ZBTB25: variants seen among roughly 807,000 people sequenced by gnomAD.
The protein encoded by ZBTB25 is zinc finger and BTB domain containing 25, also known as zinc finger and BTB domain-containing protein 25.
Under a neutral mutation model 34.2 loss-of-function variants are expected in ZBTB25, and 20 were observed. That is an observed-to-expected ratio of 0.58 (90% CI 0.41 to 0.85). ZBTB25 has a LOEUF of 0.85. Among genes scored for constraint, ZBTB25 ranks in the 40% least tolerant of loss-of-function variants. The pLI is 0.00. For synonymous variants in ZBTB25, 175 were observed against 186.4 expected (o/e 0.94, Z 0.50); for missense variants, 437 against 521.8 (o/e 0.84, Z 1.58).
At chr14:64,468,286 C>G (rs2078632054) in intron 2 of ZBTB25, 2 of 1,038,764 alleles carry the variant, frequency 1.9e-6, no homozygotes, top group East Asian at 5.3e-5. Context: ...TATGAATATG[C>G]CTGGAAGAAA....
At chr14:64,458,434 C>T (rs1392060070) in intron 2 of ZBTB25, 1 of 747,488 alleles carries the variant, frequency 1.3e-6, no homozygotes, top group Non-Finnish European at 2.5e-6. Flanking sequence ...TTCAGACTTC[C>T]CTGAGGGGAG....
chr14:64,453,904 A>C, intron 2 of ZBTB25: 1 of 1,248,044 alleles, frequency 8.0e-7, no homozygotes. Context: ...TTTGCAAAGC[A>C]GGACTTGGAG....
At position 64,487,062 on chromosome 14, in the gene ZBTB25, T is replaced by C. The variant is rs2078886147; in HGVS notation, c.1169A>G (p.Gln390Arg). The change falls in exon 3 of 3, where the codon CAG becomes CGG. Residue 390 changes from glutamine (Q) to arginine (R), a missense_variant. By Grantham distance (43) the Gln-to-Arg change is conservative. Coordinates refer to ENST00000608382, the MANE Select transcript of ZBTB25 (RefSeq NM_006977.5). The stretch of plus-strand genomic sequence containing the variant: ...GCTGTCACAGTATGGCTGAAATCTC[T>C]GGGCCAATGCATTACCAAACCTTTG... ...RCQRFGNALA[Q>R]RFQPYCDSWS... The C allele has an allele frequency of 6.8e-6, 11 of 1,614,118 alleles. No homozygotes were observed. Among genetic ancestry groups the C allele is most frequent in the Non-Finnish European group, 8.5e-6 (10 of 1,180,054 alleles).
At chr14:64,476,482 G>A (rs2078720560), downstream of ZBTB25, among the ~76,000 whole-genome samples, 1 of 148,408 alleles carries the variant, frequency 6.7e-6, no homozygotes, top group Non-Finnish European at 1.5e-5. Flanking sequence ...CACTATGCCC[G>A]GCTAATTTTT....
In ZBTB25 at chr14:64,480,160, A is replaced by C. The variant is rs2078764971; in HGVS notation, c.*6763T>G. ...AACATGGTGAAACTCCGTCTCTACT[A>C]GAAATACAAAAAATTAGCCGAGTGT... On this transcript the variant is annotated 3_prime_UTR_variant, in exon 3 of 3. Coordinates refer to ENST00000608382, the MANE Select transcript of ZBTB25 (RefSeq NM_006977.5). The C allele has an allele frequency of 4.9e-6, 1 of 205,946 alleles. No individual in the cohort carries two copies. The highest frequency in any genetic ancestry group is 2.4e-5 in the African/African-American group (1 of 41,902). 12.8% of individuals were successfully genotyped at this position (205,946 alleles called of 1,614,324 possible).
chr14:64,500,611 A>C (rs1282205784), intron 1 of ZBTB25, among the ~76,000 whole-genome samples: 1 of 152,190 alleles, frequency 6.6e-6, no homozygotes, highest in African/African-American at 2.4e-5. Flanking sequence ...AGCCTGGCCA[A>C]TATGGTGAAA....
downstream of ZBTB25, among the ~76,000 whole-genome samples, chr14:64,477,661 T>G (rs892798266): frequency 6.6e-6 from 1 of 152,204 alleles, no homozygotes; most frequent in Non-Finnish European, 1.5e-5. Context: ...ACAGAACCAC[T>G]CCAGGTTCTT....
intron 2 of ZBTB25, chr14:64,465,356 G>T (rs2078599832): frequency 6.6e-6 from 1 of 152,180 alleles, no homozygotes; most frequent in African/African-American, 2.4e-5. Flanking sequence ...GGCTGCTGCT[G>T]CAGGTGGGTC....
rs2078864094 is a variant in ZBTB25 at position 64,486,420 on chromosome 14, A to T, written c.*503T>A. ...CATGATTTGGTATATCTTAAAATAA[A>T]TTTTTATACATTATAACATATGTAT... On this transcript the variant is annotated 3_prime_UTR_variant, in exon 3 of 3. Coordinates refer to ENST00000608382, the MANE Select transcript of ZBTB25 (RefSeq NM_006977.5). The T allele has an allele frequency of 1.0e-6, 1 of 979,860 alleles. No individual in the cohort carries two copies. Among genetic ancestry groups the T allele is most frequent in the Non-Finnish European group, 1.2e-6 (1 of 824,910 alleles). 60.7% of individuals were successfully genotyped at this position (979,860 alleles called of 1,614,324 possible).
chr14:64,449,590 C>T, exon 3 of ZBTB25: 1 of 1,614,186 alleles, frequency 6.2e-7, no homozygotes. Flanking sequence ...AGCACAAGCA[C>T]CCAGCAGCTT....
intron 2 of ZBTB25, among the ~76,000 whole-genome samples, 155 bp downstream of exon 2, chr14:64,490,206 G>A (rs1198541416): frequency 4.2e-5 from 2 of 47,138 alleles, no homozygotes; most frequent in Admixed American, 5.4e-4. Context: ...AGACTCTGTC[G>A]CCAAAAAAAA....
Position 64,487,750 on chromosome 14 carries a change from C to T in ZBTB25, c.481G>A (p.Val161Ile). 4.3e-6 allele frequency: 7 copies of T among 1,614,178 alleles called. No homozygotes were observed. The highest frequency in any genetic ancestry group is 5.9e-6 in the Non-Finnish European group (7 of 1,180,030). The change falls in exon 3 of 3, where the codon GTC (valine) becomes ATC (isoleucine). Residue 161 changes from valine (V) to isoleucine (I), a missense_variant. Val to Ile is a conservative substitution (Grantham distance 29). Coordinates refer to ENST00000608382, the MANE Select transcript of ZBTB25 (RefSeq NM_006977.5). ...PSSNSGNRAA[V>I]QGDHPQLQLS... is the part of the protein sequence containing the mutation. Reference sequence around the variant, plus strand: ...TGCAACTGGGGGTGGTCACCCTGGACAGCAGCTCTGTTTCCACTGTTACTG... The same window carrying T: ...TGCAACTGGGGGTGGTCACCCTGGATAGCAGCTCTGTTTCCACTGTTACTG...
At chr14:64,495,634 TA>T (rs2079245069) in intron 1 of ZBTB25, among the ~76,000 whole-genome samples, 1 of 152,248 alleles carries the variant, frequency 6.6e-6, no homozygotes, top group Non-Finnish European at 1.5e-5. Context: ...CTAGTTTTTG[TA>T]ATTCTCAAAT....
intron 2 of ZBTB25, chr14:64,469,416 T>C: frequency 6.2e-7 from 1 of 1,613,888 alleles, no homozygotes; most frequent in Admixed American, 1.7e-5. Context: ...ATTGCTATTA[T>C]TATTACAGAC....
At position 64,487,540 on chromosome 14, in the gene ZBTB25, T is replaced by C. The variant is rs759016205; in HGVS notation, c.691A>G (p.Thr231Ala). The stretch of plus-strand genomic sequence containing the variant: ...AAGTGTATTTTGACACTGTTTTCAG[T>C]AAAAGTGGGGCCTGTCACCTCTGAT... ...PSSEVTGPTF[T>A]ENSVKIHLCH... Residue 231 changes from threonine to alanine, a missense_variant, in exon 3 of 3, where the codon ACT becomes GCT. By Grantham distance (58) the Thr-to-Ala change is moderately conservative (BLOSUM62 0). Transcript: ENST00000608382. The C allele has an allele frequency of 3.1e-6, 5 of 1,611,486 alleles. No individual in the cohort carries two copies. Among genetic ancestry groups the C allele is most frequent in the Non-Finnish European group, 4.2e-6 (5 of 1,177,834 alleles).
rs191860387 is a variant in ZBTB25 at position 64,501,970 on chromosome 14, C to T, written c.-8+1691G>A. On this transcript the variant is annotated intron_variant, in intron 1 of 2. Coordinates refer to ENST00000608382, the MANE Select transcript of ZBTB25 (RefSeq NM_006977.5). Reference sequence around the variant, plus strand: ...GCTGAAACAGGAGCAAGATATAATGCAAAACAGCACTGATTGGACTTGAGA... The same window carrying T: ...GCTGAAACAGGAGCAAGATATAATGTAAAACAGCACTGATTGGACTTGAGA... 8.5e-5 allele frequency among the ~76,000 whole-genome samples: 13 copies of T among 152,308 alleles called. No individual in the cohort carries two copies. The East Asian group carries it at 2.5e-3, about 29-fold the overall frequency.
intron 2 of ZBTB25, among the ~76,000 whole-genome samples, chr14:64,450,119 GCTTA>G (rs1414885573): frequency 6.6e-6 from 1 of 152,194 alleles, no homozygotes; most frequent in Admixed American, 6.5e-5. Flanking sequence ...ATATGCCACT[GCTTA>G]CTTACAGAGG....
At chr14:64,453,608 A>G in intron 2 of ZBTB25, 1 of 673,956 alleles carries the variant, frequency 1.5e-6, no homozygotes, top group Non-Finnish European at 2.8e-6. Context: ...CCAATCATCA[A>G]CCTCAAACTA....
At chr14:64,475,160 C>T (rs1279100102), downstream of ZBTB25, among the ~76,000 whole-genome samples, 1 of 152,138 alleles carries the variant, frequency 6.6e-6, no homozygotes, top group Non-Finnish European at 1.5e-5. Context: ...AGTTTTATGG[C>T]CGGGCGCGGT....
Sources: allele counts gnomAD v4.1 joint callset (sites outside exome capture counted in the v4.1 genomes callset), GRCh38; gene constraint gnomAD v4.1.1; transcripts MANE v1.5; gene names NCBI Gene and HGNC (gene_info 2026-07-23, HGNC 2026-07-21).